The following IL34 variants were observed in gnomAD, a reference collection of about 807,000 sequenced individuals.
IL34 encodes interleukin 34, also known as interleukin-34.
IL34 carries 17 observed loss-of-function variants against 25.3 expected under a neutral mutation model. The observed-to-expected ratio is 0.67, with a 90% confidence interval of 0.46 to 1.01. The LOEUF is 1.01. IL34 is among the 50% of genes least tolerant of loss of function. The probability of loss-of-function intolerance (pLI) is 0.00; values close to 1 mark genes in which losing one functional copy is unlikely to be tolerated. For missense variants in IL34, 368 were observed against 312.9 expected (o/e 1.18, Z -1.33); for synonymous variants, 174 against 140.9 (o/e 1.23, Z -1.66).
chr16:70,645,149 GAGGAGGAAGAGA>G (rs370300304), upstream of IL34, among the ~76,000 whole-genome samples: 23 of 151,010 alleles, frequency 1.5e-4, no homozygotes, highest in East Asian at 2.2e-3. Flanking sequence ...GAGGAAGGAG[GAGGAGGAAGAGA>G]AGGAGGAAGA....
At chr16:70,607,070 A>G (rs566081815) in intron 1 of IL34, among the ~76,000 whole-genome samples, 1 of 152,084 alleles carries the variant, frequency 6.6e-6, no homozygotes, top group Non-Finnish European at 1.5e-5. Flanking sequence ...TACTAGCTTT[A>G]CAGTTTTATG....
At position 70,615,136 on chromosome 16, in the gene IL34, A is replaced by G. The variant is rs1209200214; in HGVS notation, c.-400-31412A>G. 2.0e-5 allele frequency among the ~76,000 whole-genome samples: 3 copies of G among 152,132 alleles called. No homozygotes were observed. The East Asian group carries it at 5.8e-4, about 29-fold the overall frequency. The stretch of plus-strand genomic sequence containing the variant: ...AAATCTCTGGACTTACGGTGTATGC[A>G]TTTTTGCAACTTATTTTACTACCCT... On this transcript the variant is annotated intron_variant, in intron 1 of 6. Transcript: ENST00000429149.
chr16:70,609,578 G>A (rs763377367), intron 1 of IL34, among the ~76,000 whole-genome samples: 1 of 152,148 alleles, frequency 6.6e-6, no homozygotes, highest in Non-Finnish European at 1.5e-5. Context: ...ATGGCACAGC[G>A]CCTGGCACCT....
At chr16:70,612,663 AT>A (rs2051107988) in intron 1 of IL34, among the ~76,000 whole-genome samples, 1 of 152,254 alleles carries the variant, frequency 6.6e-6, no homozygotes, top group Non-Finnish European at 1.5e-5. Context: ...TTTGACAGGT[AT>A]AAAGTGAGTT....
At chr16:70,615,088 C>G (rs2051152759) in intron 1 of IL34, among the ~76,000 whole-genome samples, 1 of 152,218 alleles carries the variant, frequency 6.6e-6, no homozygotes, top group Non-Finnish European at 1.5e-5. Context: ...AACTCCTGAT[C>G]TATGGCTCCC....
intron 1 of IL34, among the ~76,000 whole-genome samples, chr16:70,624,236 C>T (rs1296928459): frequency 6.6e-6 from 1 of 151,848 alleles, no homozygotes; most frequent in African/African-American, 2.4e-5. Flanking sequence ...AGATTTCCGG[C>T]ACGTGTAGCA....
chr16:70,589,949 A>T (rs1339509589), intron 1 of IL34, among the ~76,000 whole-genome samples: 1 of 152,214 alleles, frequency 6.6e-6, no homozygotes, highest in Non-Finnish European at 1.5e-5. Context: ...AAACAAACGA[A>T]AAAATAGTAG....
intron 3 of IL34, 89 bp from the exon 4 acceptor site, chr16:70,656,871 C>A: frequency 7.0e-7 from 1 of 1,429,536 alleles, no homozygotes; most frequent in African/African-American, 1.4e-5. Context: ...GCGTCTGCTC[C>A]CTATGCAGGG....
At chr16:70,580,596 C>T (rs2050626015) in intron 1 of IL34, among the ~76,000 whole-genome samples, 1 of 152,130 alleles carries the variant, frequency 6.6e-6, no homozygotes, top group South Asian at 2.1e-4. Flanking sequence ...GCCTGGCCAA[C>T]AAGATGAAAC....
At chr16:70,636,029 CT>C (rs112235542) in intron 1 of IL34, among the ~76,000 whole-genome samples, 8,219 of 139,742 alleles carry the variant, frequency 0.059, 555 homozygotes, top group African/African-American at 0.17. Flanking sequence ...GGGTCTGTAT[CT>C]TTTTTTTTTT....
intron 1 of IL34, among the ~76,000 whole-genome samples, chr16:70,653,717 T>C (rs866773520): frequency 5.9e-5 from 9 of 152,296 alleles, no homozygotes; most frequent in Non-Finnish European, 1.2e-4. Flanking sequence ...CTGATTGTTT[T>C]AATGTGAATT....
At chr16:70,594,476 T>C (rs905276060) in intron 1 of IL34, among the ~76,000 whole-genome samples, 6 of 152,224 alleles carry the variant, frequency 3.9e-5, no homozygotes, top group Non-Finnish European at 7.3e-5. Context: ...AGTGGCTTCC[T>C]CTACTTCTCA....
intron 1 of IL34, among the ~76,000 whole-genome samples, chr16:70,593,277 G>A (rs1022069025): frequency 2.0e-5 from 3 of 152,088 alleles, no homozygotes; most frequent in Admixed American, 6.6e-5. Context: ...CAGAGCAGAA[G>A]CTTTTAATTT....
intron 1 of IL34, among the ~76,000 whole-genome samples, chr16:70,653,107 G>T (rs555985969): frequency 1.3e-5 from 2 of 152,312 alleles, no homozygotes; most frequent in East Asian, 3.9e-4. Context: ...TTGGGAGGCT[G>T]AGGCCTGAGG....
intron 1 of IL34, among the ~76,000 whole-genome samples, chr16:70,638,000 C>A (rs528396382): frequency 2.6e-5 from 4 of 152,204 alleles, no homozygotes; most frequent in African/African-American, 9.6e-5. Flanking sequence ...AACAGCAGTG[C>A]AATGGATATC....
intron 1 of IL34, among the ~76,000 whole-genome samples, chr16:70,648,258 G>A (rs76954978): frequency 0.01 from 1,589 of 152,304 alleles, 34 homozygotes; most frequent in African/African-American, 0.036. Flanking sequence ...GTGGAGGTGC[G>A]AATGAAAGGC....
chr16:70,618,703 T>C (rs1338682761), intron 1 of IL34, among the ~76,000 whole-genome samples: 6 of 152,162 alleles, frequency 3.9e-5, no homozygotes, highest in African/African-American at 1.4e-4. Context: ...AATTGTTTTG[T>C]AGAAGGTGCT....
chr16:70,652,070 G>C (rs962021705), intron 1 of IL34, among the ~76,000 whole-genome samples: 5 of 152,066 alleles, frequency 3.3e-5, no homozygotes, highest in Admixed American at 3.3e-4. Context: ...GGAGGTTGCA[G>C]TGAGCCAAGA....
At chr16:70,598,230 G>A (rs998642597) in intron 1 of IL34, among the ~76,000 whole-genome samples, 2 of 152,058 alleles carry the variant, frequency 1.3e-5, no homozygotes, top group African/African-American at 4.8e-5. Flanking sequence ...TTCCTGCCAG[G>A]CCCTTCCAGG....
Sources: allele counts gnomAD v4.1 joint callset (sites outside exome capture counted in the v4.1 genomes callset), GRCh38; gene constraint gnomAD v4.1.1; transcripts MANE v1.5; gene names NCBI Gene and HGNC (gene_info 2026-07-23, HGNC 2026-07-21).